Variants in NECTIN3 observed in about 807,000 individuals in gnomAD.
The protein encoded by NECTIN3 is nectin cell adhesion molecule 3, also known as nectin-3.
In NECTIN3, 8 loss-of-function variants were observed where a neutral mutation model predicts 49.4. The observed-to-expected ratio is 0.16, with a 90% CI of 0.10 to 0.29. The LOEUF (loss-of-function observed/expected upper bound fraction) is 0.29, where lower values mean the gene tolerates loss of function less well. NECTIN3 is among the 10% of genes least tolerant of loss of function. NECTIN3 has a pLI of 1.00. For missense variants in NECTIN3, 581 were observed against 654.6 expected (o/e 0.89, Z 1.23); for synonymous variants, 277 against 241.1 (o/e 1.15, Z -1.38).
chr3:111,122,488 A>G (rs2033998437), intron 4 of NECTIN3, among the ~76,000 whole-genome samples: 1 of 152,030 alleles, frequency 6.6e-6, no homozygotes, highest in South Asian at 2.1e-4. Flanking sequence ...AGCTGCTACT[A>G]CTTAATAGTT....
intron 5 of NECTIN3, among the ~76,000 whole-genome samples, chr3:111,127,154 G>C (rs2034196456): frequency 6.6e-6 from 1 of 152,154 alleles, no homozygotes; most frequent in Non-Finnish European, 1.5e-5. Flanking sequence ...AAGAAACTCA[G>C]GTTTGTATGG....
intron 5 of NECTIN3, among the ~76,000 whole-genome samples, chr3:111,144,409 G>A (rs1329109444): frequency 6.6e-6 from 1 of 151,368 alleles, no homozygotes; most frequent in Admixed American, 6.6e-5. Context: ...AAATTTTACA[G>A]TGTCCAATGT....
chr3:111,144,128 T>C (rs1489002676), intron 5 of NECTIN3, among the ~76,000 whole-genome samples: 1 of 152,092 alleles, frequency 6.6e-6, no homozygotes, highest in Non-Finnish European at 1.5e-5. Context: ...TGGGAGTTCA[T>C]AAAATTGTAA....
At position 111,177,230 on chromosome 3, in the gene NECTIN3, TTATC is replaced by T. The variant is rs146399972; in HGVS notation, c.1222-15117_1222-15114del. ...GTGGCATTTCTAAGGAGGCCCACAT[TTATC>T]TATACCCTTACCTTTTTATTCATTT... On this transcript the variant is annotated intron_variant, in intron 7 of 8. Transcript: ENST00000493615. 0.021 allele frequency among the ~76,000 whole-genome samples: 3,205 copies of T among 152,226 alleles called. 170 individuals are homozygous for T. The East Asian group carries it at 0.22, about 11-fold the overall frequency.
At chr3:111,148,673 G>C (rs1015035580) in intron 7 of NECTIN3, among the ~76,000 whole-genome samples, 2 of 151,942 alleles carry the variant, frequency 1.3e-5, no homozygotes, top group Admixed American at 1.3e-4. Flanking sequence ...TTTCATGATC[G>C]ATTGGTTATA....
intron 1 of NECTIN3, among the ~76,000 whole-genome samples, chr3:111,102,799 TTATC>T (rs531058600): frequency 0.01 from 1,575 of 152,312 alleles, 8 homozygotes; most frequent in Non-Finnish European, 0.017. Context: ...CTTAGGTTGA[TTATC>T]TATTTCAAGT....
intron 4 of NECTIN3, 45 bp from the exon 5 acceptor site, chr3:111,126,139 T>G: frequency 7.4e-7 from 1 of 1,355,976 alleles, no homozygotes; most frequent in Non-Finnish European, 9.8e-7. Context: ...TCAATAAATA[T>G]AGTCTGAAGA....
chr3:111,166,638 G>C (rs1032674089), intron 7 of NECTIN3, among the ~76,000 whole-genome samples: 3 of 152,114 alleles, frequency 2.0e-5, no homozygotes, highest in South Asian at 2.1e-4. Flanking sequence ...TCTAGATTAA[G>C]GTCTGCCATT....
At chr3:111,085,924 C>G (rs1031511620) in intron 1 of NECTIN3, among the ~76,000 whole-genome samples, 1 of 152,144 alleles carries the variant, frequency 6.6e-6, no homozygotes, top group Non-Finnish European at 1.5e-5. Context: ...AATTCATACT[C>G]CCACCAATAA....
At chr3:111,181,675 G>T (rs1346295054) in intron 7 of NECTIN3, among the ~76,000 whole-genome samples, 1 of 152,008 alleles carries the variant, frequency 6.6e-6, no homozygotes. Context: ...ATTGGCATCA[G>T]ATTTTTCATA....
At chr3:111,163,888 A>C (rs1392443401) in intron 7 of NECTIN3, among the ~76,000 whole-genome samples, 6 of 152,112 alleles carry the variant, frequency 3.9e-5, no homozygotes, top group African/African-American at 7.2e-5. Flanking sequence ...TCAGATCTAT[A>C]AAGTAAATGC....
At chr3:111,155,527 CA>C (rs2035079628) in intron 7 of NECTIN3, among the ~76,000 whole-genome samples, 1 of 152,016 alleles carries the variant, frequency 6.6e-6, no homozygotes, top group Admixed American at 6.5e-5. Context: ...TTTGTAAATA[CA>C]AAAAAGTCTG....
Position 111,072,099 on chromosome 3 carries a change from G to T in NECTIN3, c.82G>T (p.Gly28Trp). Residue 28 changes from glycine (G) to tryptophan (W), a missense_variant, in exon 1 of 6, where the codon GGG (glycine) becomes TGG (tryptophan). Physicochemically the swap from Gly to Trp is radical, Grantham distance 184. Around this residue, in one of 3 missense-constraint regions of NECTIN3, gnomAD observed 109 missense variants for 69.1 expected, o/e 1.58. Transcript: ENST00000485303. ...TTCCTCCGCTTCTCTCCTCGGAGCC[G>T]GGCTCCTGCTGCAGCCCCCGACGCC... ...QLSSASLLGA[G>W]LLLQPPTPPP... 1 of 1,549,334 alleles carries T rather than the reference G, an allele frequency of 6.5e-7. No homozygotes were observed. The highest frequency in any genetic ancestry group is 1.4e-5 in the African/African-American group (1 of 72,874).
chr3:111,088,165 T>C (rs969123223), intron 1 of NECTIN3, among the ~76,000 whole-genome samples: 1 of 151,996 alleles, frequency 6.6e-6, no homozygotes, highest in African/African-American at 2.4e-5. Flanking sequence ...CCTGGGGTGG[T>C]AGAGGGAGAA....
intron 1 of NECTIN3, among the ~76,000 whole-genome samples, chr3:111,081,966 G>GC (rs2031635367): frequency 6.6e-6 from 1 of 152,206 alleles, no homozygotes; most frequent in Non-Finnish European, 1.5e-5. Flanking sequence ...TGGCAGAAAT[G>GC]TAAAAAATAT....
intron 7 of NECTIN3, among the ~76,000 whole-genome samples, chr3:111,157,347 ACAAC>A (rs1559812050): frequency 6.6e-6 from 1 of 152,136 alleles, no homozygotes; most frequent in African/African-American, 2.4e-5. Flanking sequence ...AGTTTCCATG[ACAAC>A]CAAACAAAAA....
chr3:111,118,531 A>G, intron 2 of NECTIN3, 125 bp from the exon 3 acceptor site: 1 of 861,808 alleles, frequency 1.2e-6, no homozygotes, highest in Non-Finnish European at 1.7e-6. Context: ...ATTACCTAAA[A>G]AGTGTGTGTA....
chr3:111,174,857 C>T (rs565487022), intron 7 of NECTIN3, among the ~76,000 whole-genome samples: 1 of 152,290 alleles, frequency 6.6e-6, no homozygotes, highest in African/African-American at 2.4e-5. Context: ...GGACCCTCTG[C>T]CTTTCTGCAA....
At chr3:111,182,051 T>C (rs952553789) in intron 7 of NECTIN3, among the ~76,000 whole-genome samples, 1 of 152,114 alleles carries the variant, frequency 6.6e-6, no homozygotes, top group Non-Finnish European at 1.5e-5. Context: ...TTTTAAGATA[T>C]CATTATTCAG....
Sources: allele counts gnomAD v4.1 joint callset (sites outside exome capture counted in the v4.1 genomes callset), GRCh38; gene constraint gnomAD v4.1.1; regional missense constraint gnomAD v4.1.1; transcripts MANE v1.5; gene names NCBI Gene and HGNC (gene_info 2026-07-23, HGNC 2026-07-21).